ZNF404: variants seen among roughly 807,000 people sequenced by gnomAD.
ZNF404 encodes the protein zinc finger protein 404.
A neutral mutation model predicts 7.3 loss-of-function variants in ZNF404; 7 were observed. That is an observed-to-expected ratio of 0.95 (90% CI 0.54 to 1.79). ZNF404 has a LOEUF of 1.79. Ranked by LOEUF, ZNF404 falls within the 40% of genes most tolerant of loss-of-function variation. ZNF404 has a pLI of 0.00. For missense variants in ZNF404, 560 were observed against 661.5 expected, an observed-to-expected ratio of 0.85 and a Z score of 1.68; for synonymous variants, 191 against 209.9, an observed-to-expected ratio of 0.91 and a Z score of 0.78.
At chr19:43,876,192 T>G (rs1365907324) in intron 2 of ZNF404, among the ~76,000 whole-genome samples, 1 of 152,100 alleles carries the variant, frequency 6.6e-6, no homozygotes, top group Non-Finnish European at 1.5e-5. Flanking sequence ...CACACACCTA[T>G]AGTCCTAGCT....
At chr19:43,878,291 G>GGT (rs1971866878) in intron 2 of ZNF404, among the ~76,000 whole-genome samples, 1 of 149,716 alleles carries the variant, frequency 6.7e-6, no homozygotes, top group African/African-American at 2.5e-5. Context: ...GGTGTGAGAT[G>GGT]GTATCTCATT....
At position 43,873,375 on chromosome 19, in the gene ZNF404, A is replaced by G; in HGVS notation, c.839T>C (p.Phe280Ser). ...PYKCKECGKA[F>S]GHRSSLYQHK... ...TTGGTAAAGACTTGAACGATGACCA[A>G]AAGCCTTTCCACATTCTTTACATTT... Residue 280 changes from phenylalanine to serine, a missense_variant, in exon 3 of 3, where the codon TTT (phenylalanine) becomes TCT (serine). By Grantham distance (155) the Phe-to-Ser change is radical (BLOSUM62 -2). Coordinates refer to ENST00000587539, the MANE Select transcript of ZNF404 (RefSeq NM_001033719.3). 6.2e-7 allele frequency: 1 copy of G among 1,613,296 alleles called. No homozygotes were observed. Among genetic ancestry groups the G allele is most frequent in the South Asian group, 1.1e-5 (1 of 91,048 alleles).
chr19:43,883,913 A>G (rs1303793064), intron 1 of ZNF404, 43 bp downstream of exon 1: 5 of 1,594,710 alleles, frequency 3.1e-6, no homozygotes, highest in African/African-American at 2.7e-5. Flanking sequence ...CATGAATTAA[A>G]AAATCACAAT....
At chr19:43,879,772 T>C (rs78963142) in intron 2 of ZNF404, among the ~76,000 whole-genome samples, 1 of 152,152 alleles carries the variant, frequency 6.6e-6, no homozygotes, top group Non-Finnish European at 1.5e-5. Context: ...AAGAAGTAAT[T>C]ATAGGACAGG....
In ZNF404 at chr19:43,873,341, TTTC is replaced by T; in HGVS notation, c.870_872del (p.Lys291del). 1 of 1,613,262 alleles carries T rather than the reference TTTC, an allele frequency of 6.2e-7. No homozygotes were observed. The highest frequency in any genetic ancestry group is 8.5e-7 in the Non-Finnish European group (1 of 1,179,540). ...TATATGGTTTCTCACCAGAATGAAT[TTTC>T]TTATGTTGGTAAAGACTTGAACGAT... On this transcript the variant is annotated inframe_deletion, in exon 3 of 3. Coordinates refer to ENST00000587539, the MANE Select transcript of ZNF404 (RefSeq NM_001033719.3).
rs774160165 is a variant in ZNF404 at position 43,873,776 on chromosome 19, A to G, written c.438T>C (p.Leu146=). 9.1e-5 allele frequency: 144 copies of G among 1,586,400 alleles called. No individual in the cohort carries two copies. Among genetic ancestry groups the G allele is most frequent in the Non-Finnish European group, 1.2e-4 (143 of 1,179,068 alleles). Residue 146 remains leucine (L), a synonymous_variant, in exon 3 of 3, where the codon CTT becomes CTC. Transcript: ENST00000587539. ...CAGTATGGTCTCTCAGATGTTCAGT[A>G]AGGTGCAAATATTTTCTAAAGCCCT... ...YKKGFRKYLH[L]TEHLRDHTGV... is the part of the protein sequence containing the mutation.
intron 2 of ZNF404, 79 bp downstream of exon 2, chr19:43,879,931 A>G (rs1568437281): frequency 6.4e-7 from 1 of 1,555,732 alleles, no homozygotes; most frequent in Non-Finnish European, 8.8e-7. Flanking sequence ...GTTTCTTGGC[A>G]TAGACCATAA....
Position 43,872,539 on chromosome 19 carries a change from A to C in ZNF404, c.*16T>G. On this transcript the variant is annotated 3_prime_UTR_variant, in exon 3 of 3. Transcript: ENST00000587539. This position sits in a 1 kb window ranked among gnomAD's most constrained non-coding sequence, Gnocchi z 4.4. ...CAACAGTAAAAATGTGCCATGGCTAAAGGCTTTCCCTCTCATTACATTAAG... is the reference window on the plus strand; with the variant it reads ...CAACAGTAAAAATGTGCCATGGCTACAGGCTTTCCCTCTCATTACATTAAG... 6.4e-7 allele frequency: 1 copy of C among 1,560,068 alleles called. No individual in the cohort carries two copies. The highest frequency in any genetic ancestry group is 8.7e-7 in the Non-Finnish European group (1 of 1,153,652).
intron 2 of ZNF404, among the ~76,000 whole-genome samples, chr19:43,877,804 A>G (rs916728187): frequency 1.4e-5 from 2 of 146,658 alleles, no homozygotes; most frequent in African/African-American, 5.0e-5. Flanking sequence ...TCATTGTTCA[A>G]TTCCCACCTA....
chr19:43,874,118 T>C, intron 2 of ZNF404, 41 bp from the exon 3 acceptor site: 1 of 1,339,450 alleles, frequency 7.5e-7, no homozygotes, highest in Non-Finnish European at 1.0e-6. Context: ...TATTTTCCAA[T>C]AATAGGGGTA....
At chr19:43,883,828 G>T in intron 1 of ZNF404, 128 bp downstream of exon 1, 1 of 922,482 alleles carries the variant, frequency 1.1e-6, no homozygotes, top group Non-Finnish European at 1.7e-6. Flanking sequence ...ACTGGAATGG[G>T]AGGAATGTGA....
chr19:43,881,059 G>A (rs1219992061), intron 1 of ZNF404, among the ~76,000 whole-genome samples: 1 of 152,160 alleles, frequency 6.6e-6, no homozygotes, highest in Non-Finnish European at 1.5e-5. Context: ...TATCCTTGGT[G>A]AAACAAGAAA....
At chr19:43,883,058 G>A (rs1397674711) in intron 1 of ZNF404, among the ~76,000 whole-genome samples, 1 of 151,182 alleles carries the variant, frequency 6.6e-6, no homozygotes, top group African/African-American at 2.4e-5. Flanking sequence ...CCAAGATAAC[G>A]CCACTGTACT....
chr19:43,881,942 A>C (rs1033019566), intron 1 of ZNF404, among the ~76,000 whole-genome samples: 1 of 134,182 alleles, frequency 7.5e-6, no homozygotes, highest in African/African-American at 3.0e-5. Flanking sequence ...GGGCAACAAG[A>C]GTGAAACTCT....
chr19:43,876,869 C>G (rs76831663), intron 2 of ZNF404, among the ~76,000 whole-genome samples: 10,528 of 152,134 alleles, frequency 0.069, 1,190 homozygotes, highest in African/African-American at 0.24. Context: ...CCAAATTGTC[C>G]GGCACTTTTC....
At chr19:43,877,566 T>TTTTA (rs757958200) in intron 2 of ZNF404, among the ~76,000 whole-genome samples, 14 of 151,878 alleles carry the variant, frequency 9.2e-5, no homozygotes, top group South Asian at 2.1e-4. Flanking sequence ...TTTACTTTAT[T>TTTTA]TTTATTTATT....
At chr19:43,877,614 G>C (rs886196422) in intron 2 of ZNF404, among the ~76,000 whole-genome samples, 3 of 150,206 alleles carry the variant, frequency 2.0e-5, no homozygotes, top group African/African-American at 7.3e-5. Flanking sequence ...TTAAGTTTTA[G>C]GGTACATGTG....
chr19:43,876,955 T>A (rs775854796), intron 2 of ZNF404, among the ~76,000 whole-genome samples: 1 of 152,084 alleles, frequency 6.6e-6, no homozygotes, highest in East Asian at 1.9e-4. Flanking sequence ...CTGTCACAGG[T>A]AGGAGGAAAC....
rs1264605049 is a variant in ZNF404, at chr19:43,875,366, A to G, written c.137-1289T>C. On this transcript the variant is annotated intron_variant, in intron 2 of 2. Transcript: ENST00000587539. ...CTTCTTTTCATTCTACACATTTTCAATCTGTTGTGTTTCTTCAATGCCTTT... is the reference window on the plus strand; with the variant it reads ...CTTCTTTTCATTCTACACATTTTCAGTCTGTTGTGTTTCTTCAATGCCTTT... 1.3e-5 allele frequency among the ~76,000 whole-genome samples: 2 copies of G among 152,064 alleles called. 1 individual carries two copies. The highest frequency in any genetic ancestry group is 2.9e-5 in the Non-Finnish European group (2 of 67,998).
Sources: gnomAD v4.1 joint callset for allele counts (sites outside exome capture counted in the v4.1 genomes callset) on GRCh38, gnomAD v4.1.1 for gene constraint, Gnocchi (gnomAD v3.1) non-coding constraint, MANE v1.5 for transcripts, NCBI Gene and HGNC (gene_info 2026-07-23, HGNC 2026-07-21) for gene names.